Variants in SYCP1 observed in about 807,000 individuals in gnomAD.
SYCP1 encodes the protein synaptonemal complex protein 1.
SYCP1 carries 64 observed loss-of-function variants against 153.1 expected under a neutral mutation model. The ratio of observed to expected loss-of-function variants is 0.42; its 90% CI spans 0.34 to 0.51. SYCP1 has a LOEUF of 0.51. Ranked by LOEUF, SYCP1 falls within the 20% of genes least tolerant of loss-of-function variation. The pLI is 0.06. For missense variants in SYCP1, 997 were observed against 1,049.0 expected, an observed-to-expected ratio of 0.95 and a Z score of 0.68; for synonymous variants, 384 against 341.8, an observed-to-expected ratio of 1.12 and a Z score of -1.36.
intron 27 of SYCP1, among the ~76,000 whole-genome samples, chr1:114,960,901 A>G (rs149753506): frequency 6.6e-6 from 1 of 152,070 alleles, no homozygotes; most frequent in Non-Finnish European, 1.5e-5. Context: ...CTCTTACTCT[A>G]TCTTTTGGAA....
intron 7 of SYCP1, 78 bp from the exon 8 acceptor site, chr1:114,860,658 A>C: frequency 1.1e-6 from 1 of 895,116 alleles, no homozygotes; most frequent in East Asian, 2.8e-5. Context: ...AATTGTAACA[A>C]TATATTTCAT....
chr1:114,941,795 G>A (rs1297593875), intron 23 of SYCP1, among the ~76,000 whole-genome samples: 1 of 152,076 alleles, frequency 6.6e-6, no homozygotes, highest in East Asian at 1.9e-4. Flanking sequence ...AAGTGGAGAA[G>A]TCCATGCACA....
intron 29 of SYCP1, among the ~76,000 whole-genome samples, chr1:114,983,616 G>A (rs1673311602): frequency 6.6e-6 from 1 of 151,940 alleles, no homozygotes; most frequent in Non-Finnish European, 1.5e-5. Context: ...CAGGAACGTG[G>A]GCTGTTATTC....
chr1:114,963,221 G>T (rs1471927942), intron 27 of SYCP1, among the ~76,000 whole-genome samples: 1 of 152,078 alleles, frequency 6.6e-6, no homozygotes, highest in Admixed American at 6.6e-5. Flanking sequence ...TAGATCTCTA[G>T]CAAGGTCAGG....
chr1:114,912,070 G>A (rs941496809), intron 18 of SYCP1, among the ~76,000 whole-genome samples: 4 of 152,000 alleles, frequency 2.6e-5, no homozygotes, highest in African/African-American at 7.2e-5. Flanking sequence ...AGCCAGTATA[G>A]TGGTGGTGAG....
chr1:114,886,049 T>C (rs914184583), intron 13 of SYCP1, 76 bp from the exon 14 acceptor site: 5 of 943,508 alleles, frequency 5.3e-6, no homozygotes, highest in African/African-American at 5.1e-5. Flanking sequence ...AGTGAATGTA[T>C]AGAAGCAGAT....
chr1:114,959,721 C>T (rs1473511809), intron 27 of SYCP1, among the ~76,000 whole-genome samples: 2 of 151,938 alleles, frequency 1.3e-5, no homozygotes, highest in Non-Finnish European at 2.9e-5. Context: ...TCCCCACACA[C>T]CCCCTCCCCT....
intron 23 of SYCP1, among the ~76,000 whole-genome samples, chr1:114,928,049 A>T (rs1669371473): frequency 6.6e-6 from 1 of 152,010 alleles, no homozygotes; most frequent in Non-Finnish European, 1.5e-5. Flanking sequence ...TGGAACTCCT[A>T]GGCTCAAGTG....
chr1:114,982,309 G>T (rs1158671572), intron 29 of SYCP1, among the ~76,000 whole-genome samples: 5 of 151,880 alleles, frequency 3.3e-5, no homozygotes, highest in Non-Finnish European at 7.4e-5. Flanking sequence ...GATCTCAATT[G>T]TCTCCATCCC....
intron 27 of SYCP1, among the ~76,000 whole-genome samples, chr1:114,953,010 A>G (rs1266557033): frequency 6.6e-6 from 1 of 152,208 alleles, no homozygotes; most frequent in Non-Finnish European, 1.5e-5. Context: ...GGCATCCTCC[A>G]GAGAGAGAAA....
chr1:114,862,271 G>A (rs1307333234), intron 8 of SYCP1, among the ~76,000 whole-genome samples: 2 of 152,086 alleles, frequency 1.3e-5, no homozygotes, highest in African/African-American at 2.4e-5. Flanking sequence ...CAGTGATAGG[G>A]TAGAAGGATA....
intron 15 of SYCP1, 102 bp from the exon 16 acceptor site, chr1:114,895,346 C>T: frequency 1.7e-6 from 1 of 601,102 alleles, no homozygotes; most frequent in Non-Finnish European, 2.7e-6. Context: ...ATTTGTCTCT[C>T]CTGATTTTTC....
At chr1:114,862,020 C>T (rs1351776574) in intron 8 of SYCP1, among the ~76,000 whole-genome samples, 3 of 151,816 alleles carry the variant, frequency 2.0e-5, no homozygotes, top group East Asian at 3.9e-4. Flanking sequence ...AGGCTGGTCT[C>T]GACCTCCTGA....
chr1:114,911,731 T>C (rs1668191991), intron 18 of SYCP1, 149 bp downstream of exon 18: 6 of 349,766 alleles, frequency 1.7e-5, no homozygotes, highest in Admixed American at 5.1e-5. Flanking sequence ...AATGTGCTAA[T>C]TTCATTGCTA....
chr1:114,876,651 G>T (rs1398514112), intron 10 of SYCP1, 86 bp from the exon 11 acceptor site: 19 of 634,838 alleles, frequency 3.0e-5, no homozygotes, highest in Non-Finnish European at 4.3e-5. Context: ...AAATAAAGAG[G>T]TGAAATAAAC....
chr1:114,953,497 C>T (rs1385698886), intron 27 of SYCP1, among the ~76,000 whole-genome samples: 5 of 152,130 alleles, frequency 3.3e-5, no homozygotes, highest in South Asian at 2.1e-4. Context: ...TTATATAAAG[C>T]GTGAAGTTCA....
chr1:114,991,437 A>G (rs753348453), intron 30 of SYCP1, among the ~76,000 whole-genome samples: 9 of 151,932 alleles, frequency 5.9e-5, no homozygotes, highest in South Asian at 2.1e-4. Flanking sequence ...ATTCAATAGC[A>G]TATTAAAAAT....
At chr1:114,976,469 A>G (rs890317042) in intron 27 of SYCP1, among the ~76,000 whole-genome samples, 1 of 151,852 alleles carries the variant, frequency 6.6e-6, no homozygotes, top group African/African-American at 2.4e-5. Flanking sequence ...TTGGAAACAT[A>G]TATTATATTA....
At chr1:114,889,460 T>G (rs1212922482) in intron 15 of SYCP1, among the ~76,000 whole-genome samples, 1 of 152,234 alleles carries the variant, frequency 6.6e-6, no homozygotes, top group African/African-American at 2.4e-5. Flanking sequence ...CCAGTGATGA[T>G]GAGCATTTTT....
Sources: allele counts gnomAD v4.1 joint callset (sites outside exome capture counted in the v4.1 genomes callset), GRCh38; gene constraint gnomAD v4.1.1; transcripts MANE v1.5; gene names NCBI Gene and HGNC (gene_info 2026-07-23, HGNC 2026-07-21).